CNST: variants seen among roughly 807,000 people sequenced by gnomAD.
The protein encoded by CNST is consortin.
A neutral mutation model predicts 72.4 loss-of-function variants in CNST; 39 were observed. The ratio of observed to expected loss-of-function variants is 0.54; its 90% CI spans 0.42 to 0.70. CNST has a LOEUF of 0.70. CNST is among the 30% of genes least tolerant of loss of function. CNST has a pLI of 0.00. For missense variants in CNST, 871 were observed against 868.5 expected, an observed-to-expected ratio of 1.00 and a Z score of -0.04; for synonymous variants, 332 against 320.1, an observed-to-expected ratio of 1.04 and a Z score of -0.40.
At chr1:246,569,814 TG>T in intron 1 of CNST, 1 of 250,078 alleles carries the variant, frequency 4.0e-6, no homozygotes, top group Non-Finnish European at 6.3e-6. Flanking sequence ...AGTCATTTCC[TG>T]GCGTGTCATT....
intron 2 of CNST, among the ~76,000 whole-genome samples, chr1:246,609,895 AG>A (rs1017892627): frequency 6.6e-6 from 1 of 152,212 alleles, no homozygotes. Context: ...TCTACAGTTC[AG>A]TGGCATTAAT....
At chr1:246,629,802 G>T (rs745878746) in intron 3 of CNST, among the ~76,000 whole-genome samples, 3 of 152,094 alleles carry the variant, frequency 2.0e-5, no homozygotes, top group African/African-American at 4.8e-5. Flanking sequence ...CGCAATTTCG[G>T]CTCACTGCAA....
At chr1:246,574,572 T>G (rs1244269604) in intron 1 of CNST, among the ~76,000 whole-genome samples, 1 of 152,006 alleles carries the variant, frequency 6.6e-6, no homozygotes, top group Non-Finnish European at 1.5e-5. Flanking sequence ...ACTGCAGGTA[T>G]GCAGTCTAAT....
intron 4 of CNST, among the ~76,000 whole-genome samples, chr1:246,633,119 A>AGCT: frequency 6.6e-6 from 1 of 152,302 alleles, no homozygotes; most frequent in African/African-American, 2.4e-5. Context: ...GCTATTGCAT[A>AGCT]ATATGCCACA....
chr1:246,591,885 T>G lies in CNST; in HGVS notation c.323T>G (p.Ile108Ser), dbSNP rs757771014. 6.2e-7 allele frequency: 1 copy of G among 1,613,844 alleles called. No homozygotes were observed. The highest frequency in any genetic ancestry group is 8.5e-7 in the Non-Finnish European group (1 of 1,179,948). The change falls in exon 2 of 11, where the codon ATT (isoleucine) becomes AGT (serine). Residue 108 changes from isoleucine to serine, a missense_variant. By Grantham distance (142) the Ile-to-Ser change is moderately radical. Coordinates refer to ENST00000366513, the MANE Select transcript of CNST (RefSeq NM_152609.3). ...GCCTTCTTGGGAAAGGACAAAAAAA[T>G]TCCTGGAAAAAGAAGTCCAAGAAGC... is the stretch of plus-strand genomic sequence containing the variant. ...EQAFLGKDKK[I>S]PGKRSPRSKK...
intron 9 of CNST, among the ~76,000 whole-genome samples, chr1:246,658,871 G>A (rs1249170152): frequency 6.6e-6 from 1 of 152,206 alleles, no homozygotes; most frequent in Non-Finnish European, 1.5e-5. Context: ...CTGTTCAGGG[G>A]CCTTCGGCAA....
intron 1 of CNST, among the ~76,000 whole-genome samples, chr1:246,582,434 C>T (rs1357006598): frequency 9.2e-5 from 14 of 151,992 alleles, no homozygotes; most frequent in East Asian, 5.8e-4. Context: ...CTGCAACCTC[C>T]GCCTCCCAGG....
At position 246,633,979 on chromosome 1, in the gene CNST, C is replaced by A; in HGVS notation, c.672C>A (p.Leu224=). 1 of 1,612,942 alleles carries A rather than the reference C, an allele frequency of 6.2e-7. No homozygotes were observed. The highest frequency in any genetic ancestry group is 8.5e-7 in the Non-Finnish European group (1 of 1,178,992). ...QLERLYHEQL[L]ANLSAIQEQW... ...AACGATTGTATCATGAGCAATTGCTCGCAAATCTTTCTGCCATTCAAGAAC... is the reference window on the plus strand; with the variant it reads ...AACGATTGTATCATGAGCAATTGCTAGCAAATCTTTCTGCCATTCAAGAAC... Residue 224 remains leucine, a synonymous_variant, in exon 5 of 11, where the codon CTC becomes CTA. Transcript: ENST00000366513.
chr1:246,649,872 T>C (rs903122895), intron 9 of CNST, among the ~76,000 whole-genome samples: 21 of 150,896 alleles, frequency 1.4e-4, no homozygotes, highest in Non-Finnish European at 1.6e-4. Flanking sequence ...CTTTGAGTTT[T>C]GGTAACCTTT....
intron 1 of CNST, among the ~76,000 whole-genome samples, chr1:246,586,862 T>G (rs1023572163): frequency 1.3e-5 from 2 of 152,180 alleles, no homozygotes; most frequent in African/African-American, 4.8e-5. Context: ...CAATTTGGTA[T>G]TTACAACATA....
chr1:246,639,234 G>C (rs780555986), intron 6 of CNST, among the ~76,000 whole-genome samples: 1 of 152,200 alleles, frequency 6.6e-6, no homozygotes, highest in South Asian at 2.1e-4. Context: ...GAGTGAGAAC[G>C]GGGGCTGAGA....
intron 6 of CNST, among the ~76,000 whole-genome samples, chr1:246,636,235 CA>C (rs893172198): frequency 6.6e-6 from 1 of 151,996 alleles, no homozygotes; most frequent in Non-Finnish European, 1.5e-5. Context: ...GGTTTGGTGA[CA>C]GGGGCTTTCA....
At chr1:246,614,512 A>ATT (rs147741779) in intron 2 of CNST, among the ~76,000 whole-genome samples, 2 of 141,410 alleles carry the variant, frequency 1.4e-5, no homozygotes, top group Non-Finnish European at 3.1e-5. Context: ...ACTGCAATAA[A>ATT]TTTTTTTTTT....
intron 2 of CNST, among the ~76,000 whole-genome samples, chr1:246,609,766 A>C (rs1488477706): frequency 6.6e-6 from 1 of 152,234 alleles, no homozygotes; most frequent in Non-Finnish European, 1.5e-5. Flanking sequence ...GATATGCATC[A>C]GCATTAATGG....
chr1:246,580,341 A>G (rs1660702551), intron 1 of CNST, among the ~76,000 whole-genome samples: 1 of 152,214 alleles, frequency 6.6e-6, no homozygotes, highest in Non-Finnish European at 1.5e-5. Context: ...TGCATGAAAT[A>G]CTGTACTCTT....
chr1:246,584,681 C>T (rs769966606), intron 1 of CNST, among the ~76,000 whole-genome samples: 12 of 152,202 alleles, frequency 7.9e-5, no homozygotes, highest in Admixed American at 3.9e-4. Flanking sequence ...CTCAGTAGAC[C>T]GTCCCGGCAG....
At chr1:246,581,121 C>T (rs1012227720) in intron 1 of CNST, among the ~76,000 whole-genome samples, 2 of 152,146 alleles carry the variant, frequency 1.3e-5, no homozygotes, top group African/African-American at 2.4e-5. Flanking sequence ...GAGTAATAAT[C>T]TTCTGTCTTT....
chr1:246,573,784 C>T (rs79904005), intron 1 of CNST, among the ~76,000 whole-genome samples: 1,781 of 152,258 alleles, frequency 0.012, 17 homozygotes, highest in Non-Finnish European at 0.02. Flanking sequence ...ACTTGTGTAA[C>T]GCTTTGTGTA....
At chr1:246,638,290 A>T (rs1163397183) in intron 6 of CNST, among the ~76,000 whole-genome samples, 1 of 152,224 alleles carries the variant, frequency 6.6e-6, no homozygotes, top group Non-Finnish European at 1.5e-5. Flanking sequence ...ACAGGGACAG[A>T]AACTGGCCTT....
Sources: gnomAD v4.1 joint callset for allele counts (sites outside exome capture counted in the v4.1 genomes callset) on GRCh38, gnomAD v4.1.1 for gene constraint, MANE v1.5 for transcripts, NCBI Gene and HGNC (gene_info 2026-07-23, HGNC 2026-07-21) for gene names.